Variants in SLC17A6 observed in about 807,000 individuals in gnomAD.
The protein encoded by SLC17A6 is solute carrier family 17 member 6.
SLC17A6 carries 35 observed loss-of-function variants against 67.1 expected under a neutral mutation model. The observed-to-expected ratio is 0.52, with a 90% CI of 0.40 to 0.69. The LOEUF (loss-of-function observed/expected upper bound fraction) is 0.69. Among genes scored for constraint, SLC17A6 ranks in the 30% least tolerant of loss-of-function variants. The probability of loss-of-function intolerance (pLI) is 0.00; values close to 1 mark genes in which losing one functional copy is unlikely to be tolerated. For missense variants in SLC17A6, 588 were observed against 723.9 expected (o/e 0.81, Z 2.15); for synonymous variants, 285 against 252.3 (o/e 1.13, Z -1.23).
In SLC17A6 at chr11:22,339,145, ATATATAGTTATATATATATGT is replaced by A. The variant is rs1564976468; in HGVS notation, c.86+533_86+553del. 0.037 allele frequency among the ~76,000 whole-genome samples: 304 copies of A among 8,154 alleles called. 39 individuals are homozygous for A. In the East Asian group the frequency reaches 0.5, roughly 13 times the overall value. The allele number at this position is 8,154 out of a possible 152,430, so 5.3% of individuals were successfully genotyped here. A position where few individuals can be genotyped will look rare whatever the true frequency, so the allele number is the denominator to read the frequency against. On this transcript the variant is annotated intron_variant, in intron 1 of 11. Coordinates refer to ENST00000263160, the MANE Select transcript of SLC17A6 (RefSeq NM_020346.3). ...TATATATATGTTATATATATATGTTATATATAGTTATATATATATGTTATATATATATGTTTTATATATATA... is the reference window on the plus strand; with the variant it reads ...TATATATATGTTATATATATATGTTATATATATATATGTTTTATATATATA...
chr11:22,344,235 A>G (rs981220781), intron 3 of SLC17A6, among the ~76,000 whole-genome samples: 1 of 152,148 alleles, frequency 6.6e-6, no homozygotes, highest in African/African-American at 2.4e-5. Flanking sequence ...CCGCAAATAA[A>G]GACTTCCAGG....
At chr11:22,338,677 C>A in intron 1 of SLC17A6, 58 bp downstream of exon 1, 1 of 1,270,036 alleles carries the variant, frequency 7.9e-7, no homozygotes, top group East Asian at 2.3e-5. Flanking sequence ...TCTGCAGGGC[C>A]GTTTCCGTAA....
At chr11:22,357,298 A>C (rs975466132) in intron 3 of SLC17A6, among the ~76,000 whole-genome samples, 5 of 152,300 alleles carry the variant, frequency 3.3e-5, no homozygotes, top group Middle Eastern at 3.4e-3. Flanking sequence ...AAGCGTTAAT[A>C]TGGTATCTAG....
In SLC17A6 at chr11:22,350,466, A is replaced by T. The variant is rs188181370; in HGVS notation, c.458+7101A>T. ...TGCTGCAGAGGAAATCACAAAAAAAAACCCAACAATTTTAAGTGGTTTTCA... is the reference window on the plus strand; with the variant it reads ...TGCTGCAGAGGAAATCACAAAAAAATACCCAACAATTTTAAGTGGTTTTCA... On this transcript the variant is annotated intron_variant, in intron 3 of 11. Transcript: ENST00000263160. Among the ~76,000 whole-genome samples, 1,062 of 152,228 alleles carry T rather than the reference A, an allele frequency of 7.0e-3. 3 individuals are homozygous for T. Among genetic ancestry groups the T allele is most frequent in the Middle Eastern group, 0.014 (4 of 294 alleles).
At chr11:22,367,557 G>A (rs998951363) in intron 7 of SLC17A6, among the ~76,000 whole-genome samples, 2 of 152,084 alleles carry the variant, frequency 1.3e-5, no homozygotes, top group Non-Finnish European at 2.9e-5. Flanking sequence ...GTGCCCACTA[G>A]CTGCAGTTAT....
In SLC17A6 at chr11:22,365,561, G is replaced by C. The variant is rs753099224; in HGVS notation, c.763G>C (p.Val255Leu). 6.2e-7 allele frequency: 1 copy of C among 1,613,812 alleles called. No individual in the cohort carries two copies. Among genetic ancestry groups the C allele is most frequent in the Non-Finnish European group, 8.5e-7 (1 of 1,179,874 alleles). ...GTTGCTTGCAGGAAGCTTTGGAATG[G>C]TCTGGTACATGTTTTGGCTTTTGGT... ...VFYVYGSFGM[V>L]WYMFWLLVSY... Residue 255 changes from valine to leucine, a missense_variant, in exon 7 of 12, where the codon GTC becomes CTC. Physicochemically the swap from Val to Leu is conservative, Grantham distance 32 (BLOSUM62 1). Transcript: ENST00000263160.
chr11:22,358,463 G>A (rs1590386429), intron 3 of SLC17A6, among the ~76,000 whole-genome samples: 1 of 152,210 alleles, frequency 6.6e-6, no homozygotes, highest in Middle Eastern at 3.4e-3. Context: ...GAGTAGCTGG[G>A]ATTACAGGCG....
chr11:22,370,306 A>C, intron 8 of SLC17A6, 118 bp downstream of exon 8: 1 of 792,620 alleles, frequency 1.3e-6, no homozygotes, highest in East Asian at 2.8e-5. Context: ...TTATTCATTA[A>C]ACAAATAACT....
chr11:22,344,441 C>A (rs1855853115), intron 3 of SLC17A6, among the ~76,000 whole-genome samples: 1 of 152,152 alleles, frequency 6.6e-6, no homozygotes. Context: ...GGTGTCATTT[C>A]TGCCCAAGGC....
intron 8 of SLC17A6, among the ~76,000 whole-genome samples, chr11:22,374,526 CAA>C (rs11424894): frequency 0.4 from 58,772 of 147,792 alleles, 11,516 homozygotes; most frequent in Admixed American, 0.44. Context: ...CATTACGTGG[CAA>C]AAAAAAAAAA....
chr11:22,370,028 T>A lies in SLC17A6; in HGVS notation c.892-11T>A. ...AAAATGGTCATAATGTCTCTCTTTTTGGAATTTCAGAAATTCAAGACTCCA... is the reference window on the plus strand; with the variant it reads ...AAAATGGTCATAATGTCTCTCTTTTAGGAATTTCAGAAATTCAAGACTCCA... On this transcript the variant is annotated splice_polypyrimidine_tract_variant and intron_variant, in intron 7 of 11. Transcript: ENST00000263160. 6.2e-7 allele frequency: 1 copy of A among 1,603,410 alleles called. No homozygotes were observed. The highest frequency in any genetic ancestry group is 8.5e-7 in the Non-Finnish European group (1 of 1,176,832).
chr11:22,356,255 A>G (rs1374095272), intron 3 of SLC17A6, among the ~76,000 whole-genome samples: 1 of 152,196 alleles, frequency 6.6e-6, no homozygotes, highest in African/African-American at 2.4e-5. Context: ...TCTCCTGTGA[A>G]TATAGTCTCA....
chr11:22,343,356 C>A lies in SLC17A6; in HGVS notation c.449C>A (p.Ala150Glu). ...GGAGGCTACATCGCGTCTCGGCTGG[C>A]AGCCAACAGGTAATGCGCCAGGCGG... is the stretch of plus-strand genomic sequence containing the variant. ...IPGGYIASRL[A>E]ANRVFGAAIL... is the part of the protein sequence containing the mutation. Residue 150 changes from alanine (A) to glutamate (E), a missense_variant, in exon 3 of 12, where the codon GCA becomes GAA. Around this residue, in one of 4 missense-constraint regions of SLC17A6, gnomAD observed 414 missense variants for 563.4 expected, o/e 0.73. Coordinates refer to ENST00000263160, the MANE Select transcript of SLC17A6 (RefSeq NM_020346.3). The A allele has an allele frequency of 1.9e-6, 3 of 1,610,248 alleles. No individual in the cohort carries two copies. The highest frequency in any genetic ancestry group is 2.5e-6 in the Non-Finnish European group (3 of 1,178,890).
Position 22,341,793 on chromosome 11 carries a change from T to C in SLC17A6, c.339+13T>C. 1.9e-6 allele frequency: 3 copies of C among 1,612,426 alleles called. No individual in the cohort carries two copies. Among genetic ancestry groups the C allele is most frequent in the Non-Finnish European group, 2.5e-6 (3 of 1,178,924 alleles). The stretch of plus-strand genomic sequence containing the variant: ...GGTCATCAAGGAGGTGGGCAACGTC[T>C]GGCCGCCCTGGCTCCTGCCCTTCGG... On this transcript the variant is annotated intron_variant, in intron 2 of 11. Transcript: ENST00000263160.
intron 6 of SLC17A6, among the ~76,000 whole-genome samples, chr11:22,363,225 G>A (rs796546209): frequency 3.4e-4 from 48 of 141,160 alleles, no homozygotes; most frequent in African/African-American, 1.2e-3. Context: ...GGGGTGGAAA[G>A]CTGAAAGGGG....
chr11:22,341,765 C>A lies in SLC17A6; in HGVS notation c.324C>A (p.Gly108=), dbSNP rs1855818771. ...MVNNSTIHRG[G]KVIKEKAKFN... ...ACAACAGCACCATCCACCGCGGGGG[C>A]AAGGTCATCAAGGAGGTGGGCAACG... The change falls in exon 2 of 12, where the codon GGC becomes GGA. Residue 108 remains glycine, a synonymous_variant. Transcript: ENST00000263160. 1 of 1,613,888 alleles carries A rather than the reference C, an allele frequency of 6.2e-7. No individual in the cohort carries two copies.
rs754203131 is a variant in SLC17A6 at position 22,362,893 on chromosome 11, C to T, written c.748+68C>T. On this transcript the variant is annotated intron_variant, in intron 6 of 11. Transcript: ENST00000263160. ...TAGGCTAAAAGAAAATGGTTGCAGACAATGAGATCAATCACTAAATACATT... is the reference window on the plus strand; with the variant it reads ...TAGGCTAAAAGAAAATGGTTGCAGATAATGAGATCAATCACTAAATACATT... The T allele has an allele frequency of 1.4e-5, 15 of 1,095,286 alleles. No homozygotes were observed. The East Asian group carries it at 2.8e-4, about 21-fold the overall frequency. The allele number at this position is 1,095,286 out of a possible 1,614,324, so 67.8% of individuals were successfully genotyped here. A position where few individuals can be genotyped will look rare whatever the true frequency, so the allele number is the denominator to read the frequency against.
chr11:22,376,204 T>C (rs1206773646), intron 10 of SLC17A6, 112 bp downstream of exon 10: 1 of 599,578 alleles, frequency 1.7e-6, no homozygotes, highest in Non-Finnish European at 2.8e-6. Context: ...TTCTATATGT[T>C]GAATAATAGT....
chr11:22,353,041 T>C (rs1018439314), intron 3 of SLC17A6, among the ~76,000 whole-genome samples: 3 of 152,200 alleles, frequency 2.0e-5, no homozygotes, highest in African/African-American at 7.2e-5. Context: ...GAATTAACAC[T>C]ATTTAATCAG....
Sources: gnomAD v4.1 joint callset for allele counts (sites outside exome capture counted in the v4.1 genomes callset) on GRCh38, gnomAD v4.1.1 for gene constraint, gnomAD v4.1.1 regional missense constraint, MANE v1.5 for transcripts, NCBI Gene and HGNC (gene_info 2026-07-23, HGNC 2026-07-21) for gene names.